TASP1: variants seen among roughly 807,000 people sequenced by gnomAD.
TASP1 encodes threonine aspartase 1.
In TASP1, 16 loss-of-function variants were observed where a neutral mutation model predicts 56.6. The observed-to-expected ratio is 0.28, with a 90% CI of 0.19 to 0.43. The LOEUF (loss-of-function observed/expected upper bound fraction) is 0.43. Ranked by LOEUF, TASP1 falls within the 20% of genes least tolerant of loss-of-function variation. TASP1 has a pLI of 1.00. For missense variants in TASP1, 393 were observed against 511.6 expected, an observed-to-expected ratio of 0.77 and a Z score of 2.24; for synonymous variants, 179 against 184.2, an observed-to-expected ratio of 0.97 and a Z score of 0.23.
At chr20:13,493,290 CTG>C (rs2043605018) in intron 10 of TASP1, among the ~76,000 whole-genome samples, 1 of 152,150 alleles carries the variant, frequency 6.6e-6, no homozygotes, top group Non-Finnish European at 1.5e-5. Flanking sequence ...CTGGGTGTGT[CTG>C]TGAGGGTGCT....
intron 1 of TASP1, among the ~76,000 whole-genome samples, chr20:13,631,503 A>G (rs1025389225): frequency 6.6e-6 from 1 of 152,170 alleles, no homozygotes; most frequent in Non-Finnish European, 1.5e-5. Flanking sequence ...GTATGACTTG[A>G]CAAAGTTGAT....
Position 13,609,048 on chromosome 20 carries a change from T to C in TASP1, c.282+14398A>G, listed in dbSNP as rs544754396. 1.4e-4 allele frequency among the ~76,000 whole-genome samples: 22 copies of C among 152,316 alleles called. No individual in the cohort carries two copies. The South Asian group carries it at 4.4e-3, about 30-fold the overall frequency. ...ATTTCAGACTTATAGAAAAGTACGA[T>C]AGTCTAGTATCTAGACTATATAAAG... On this transcript the variant is annotated intron_variant, in intron 4 of 13. Coordinates refer to ENST00000337743, the MANE Select transcript of TASP1 (RefSeq NM_017714.3).
the TASP1 span, among the ~76,000 whole-genome samples, chr20:13,335,449 C>T: frequency 3.3e-5 from 5 of 151,848 alleles, no homozygotes; most frequent in Admixed American, 3.3e-4. Flanking sequence ...TTCCTGATAA[C>T]CCTATGATGA....
At chr20:13,260,846 C>T in the TASP1 span, among the ~76,000 whole-genome samples, 1 of 152,200 alleles carries the variant, frequency 6.6e-6, no homozygotes, top group Non-Finnish European at 1.5e-5. Flanking sequence ...TCTCATGACT[C>T]TCTGGGTCAG....
the TASP1 span, among the ~76,000 whole-genome samples, chr20:13,290,388 G>A: frequency 6.6e-6 from 1 of 152,248 alleles, no homozygotes; most frequent in Non-Finnish European, 1.5e-5. Flanking sequence ...GGTGGCTCAT[G>A]CCTGTAATCC....
chr20:13,614,961 T>A lies in TASP1; in HGVS notation c.282+8485A>T, dbSNP rs1377375605. Reference sequence around the variant, plus strand: ...TTATACTTCCCTTCAACCTAAATAATTATACCTTTTAACCATATTGACAAT... The same window carrying A: ...TTATACTTCCCTTCAACCTAAATAAATATACCTTTTAACCATATTGACAAT... On this transcript the variant is annotated intron_variant, in intron 4 of 13. Coordinates refer to ENST00000337743, the MANE Select transcript of TASP1 (RefSeq NM_017714.3). 1.3e-4 allele frequency: 47 copies of A among 366,776 alleles called. 1 individual carries two copies. Among genetic ancestry groups the A allele is most frequent in the Non-Finnish European group, 2.8e-5 (5 of 179,648 alleles). 22.7% of individuals were successfully genotyped at this position (366,776 alleles called of 1,614,324 possible).
chr20:13,221,219 A>ACTACTCCTCCTCCTCCTCCTCCTCCTC, the TASP1 span, among the ~76,000 whole-genome samples: 1 of 82,772 alleles, frequency 1.2e-5, no homozygotes, highest in East Asian at 3.5e-4. Context: ...AAGCCCTCCT[A>ACTACTCCTCCTCCTCCTCCTCCTCCTC]CTCCTCCTCC....
the TASP1 span, among the ~76,000 whole-genome samples, chr20:13,206,957 A>G: frequency 6.6e-6 from 1 of 152,220 alleles, no homozygotes; most frequent in African/African-American, 2.4e-5. Context: ...TTGTGAAGGT[A>G]GGAGATGAGT....
the TASP1 span, among the ~76,000 whole-genome samples, chr20:13,141,422 T>C: frequency 1.3e-5 from 2 of 152,280 alleles, no homozygotes; most frequent in East Asian, 3.9e-4. Context: ...AAAAAAATCT[T>C]CTCACATTTC....
chr20:13,424,233 T>C (rs1372254801), intron 12 of TASP1, among the ~76,000 whole-genome samples: 2 of 152,222 alleles, frequency 1.3e-5, no homozygotes, highest in South Asian at 4.1e-4. Flanking sequence ...AAATGTGTTA[T>C]TAGTTAAGTC....
At chr20:13,596,902 C>G (rs930723045) in intron 4 of TASP1, among the ~76,000 whole-genome samples, 1 of 152,186 alleles carries the variant, frequency 6.6e-6, no homozygotes, top group Non-Finnish European at 1.5e-5. Flanking sequence ...ATACTATAAA[C>G]AACTCTATGC....
intron 13 of TASP1, among the ~76,000 whole-genome samples, chr20:13,396,590 T>C (rs1275917341): frequency 9.1e-6 from 1 of 109,584 alleles, no homozygotes; most frequent in Non-Finnish European, 2.0e-5. Context: ...TGTGTATACA[T>C]TGTTAATGAA....
intron 1 of TASP1, among the ~76,000 whole-genome samples, chr20:13,633,349 C>T (rs911721979): frequency 6.6e-6 from 1 of 152,132 alleles, no homozygotes; most frequent in Non-Finnish European, 1.5e-5. Context: ...TAACTAATAA[C>T]AAAAGATGGG....
the TASP1 span, among the ~76,000 whole-genome samples, chr20:13,349,559 CAAAG>C: frequency 2.0e-5 from 3 of 151,440 alleles, no homozygotes; most frequent in Non-Finnish European, 2.9e-5. Flanking sequence ...CCGAAAGAAA[CAAAG>C]AAAAAAAGAA....
At chr20:13,221,219 A>ACTCCTCCTCCTCCTCCTCCTC in the TASP1 span, among the ~76,000 whole-genome samples, 27 of 82,764 alleles carry the variant, frequency 3.3e-4, no homozygotes, top group South Asian at 2.7e-3. Flanking sequence ...AAGCCCTCCT[A>ACTCCTCCTCCTCCTCCTCCTC]CTCCTCCTCC....
intron 2 of TASP1, among the ~76,000 whole-genome samples, chr20:13,628,003 C>T (rs572641330): frequency 2.0e-5 from 3 of 152,296 alleles, no homozygotes; most frequent in Admixed American, 6.5e-5. Flanking sequence ...TGTTACCATC[C>T]TGCTAAAATT....
At chr20:13,164,528 C>G in the TASP1 span, 3 of 571,462 alleles carry the variant, frequency 5.2e-6, no homozygotes, top group Non-Finnish European at 3.2e-6. Context: ...AATAAACATT[C>G]ATAGTATGGA....
the TASP1 span, among the ~76,000 whole-genome samples, chr20:13,331,661 GT>G: frequency 3.5e-5 from 5 of 142,966 alleles, no homozygotes; most frequent in African/African-American, 5.4e-5. Flanking sequence ...TGTTTTGGGG[GT>G]TTTTTTGTGG....
At chr20:13,449,880 T>C (rs925139062) in intron 11 of TASP1, among the ~76,000 whole-genome samples, 2 of 152,088 alleles carry the variant, frequency 1.3e-5, no homozygotes, top group Non-Finnish European at 2.9e-5. Flanking sequence ...GACTTTTACA[T>C]AGAAAGCTAT....
Sources: gnomAD v4.1 joint callset for allele counts (sites outside exome capture counted in the v4.1 genomes callset) on GRCh38, gnomAD v4.1.1 for gene constraint, MANE v1.5 for transcripts, NCBI Gene and HGNC (gene_info 2026-07-23, HGNC 2026-07-21) for gene names.